GRM8: variants seen among roughly 807,000 people sequenced by gnomAD.
GRM8 encodes glutamate metabotropic receptor 8, also known as metabotropic glutamate receptor 8.
In GRM8, 47 loss-of-function variants were observed where a neutral mutation model predicts 87.2. That is an observed-to-expected ratio of 0.54 (90% CI 0.43 to 0.69). The LOEUF (loss-of-function observed/expected upper bound fraction) is 0.69, where lower values mean the gene tolerates loss of function less well. Among genes scored for constraint, GRM8 ranks in the 30% least tolerant of loss-of-function variants. GRM8 has a pLI of 0.00. For missense variants in GRM8, 1,019 were observed against 1,139.2 expected (o/e 0.89, Z 1.52); for synonymous variants, 396 against 404.5 (o/e 0.98, Z 0.25).
intron 9 of GRM8, among the ~76,000 whole-genome samples, chr7:126,449,896 T>C (rs1802426985): frequency 6.6e-6 from 1 of 151,868 alleles, no homozygotes; most frequent in African/African-American, 2.4e-5. Flanking sequence ...GGATGGGGAC[T>C]ATCTTTTCTA....
At chr7:126,762,156 T>C (rs964784276) in intron 7 of GRM8, among the ~76,000 whole-genome samples, 1 of 151,916 alleles carries the variant, frequency 6.6e-6, no homozygotes, top group Non-Finnish European at 1.5e-5. Flanking sequence ...ATCAATAAAA[T>C]ATATGTAAAA....
intron 7 of GRM8, among the ~76,000 whole-genome samples, chr7:126,682,158 G>A (rs991877836): frequency 1.3e-5 from 2 of 152,146 alleles, no homozygotes; most frequent in South Asian, 2.1e-4. Flanking sequence ...GCTTATACAC[G>A]TTTATTTTCC....
intron 8 of GRM8, among the ~76,000 whole-genome samples, chr7:126,594,915 T>A (rs1585159733): frequency 6.6e-6 from 1 of 152,142 alleles, no homozygotes; most frequent in Non-Finnish European, 1.5e-5. Flanking sequence ...GTTCTCTAAA[T>A]ACAATTCAAT....
At chr7:126,999,014 A>C (rs1286258567) in intron 3 of GRM8, among the ~76,000 whole-genome samples, 2 of 152,020 alleles carry the variant, frequency 1.3e-5, no homozygotes. Context: ...ATTATACTAC[A>C]GGGCAATAAC....
At chr7:127,052,546 G>C (rs1021086061) in intron 3 of GRM8, among the ~76,000 whole-genome samples, 1 of 152,184 alleles carries the variant, frequency 6.6e-6, no homozygotes, top group Non-Finnish European at 1.5e-5. Context: ...AGCAGTGTAG[G>C]ATTTAGAAAA....
intron 3 of GRM8, among the ~76,000 whole-genome samples, chr7:127,038,034 G>A (rs1373105115): frequency 1.3e-5 from 2 of 152,086 alleles, no homozygotes; most frequent in African/African-American, 2.4e-5. Flanking sequence ...TAATTCGTAT[G>A]GCAGTATACA....
chr7:126,687,805 T>C (rs1012926528), intron 7 of GRM8, among the ~76,000 whole-genome samples: 1 of 152,098 alleles, frequency 6.6e-6, no homozygotes, highest in Admixed American at 6.6e-5. Flanking sequence ...GATGTTGCTA[T>C]CTTATCTTTA....
intron 8 of GRM8, among the ~76,000 whole-genome samples, chr7:126,600,401 A>G (rs1797619881): frequency 6.6e-6 from 1 of 152,126 alleles, no homozygotes; most frequent in African/African-American, 2.4e-5. Context: ...ACTAGGGGAA[A>G]TGATCATGCA....
intron 3 of GRM8, among the ~76,000 whole-genome samples, chr7:127,015,049 GAAGAAGAAGAAGAAGAAGA>G (rs1283196532): frequency 1.4e-4 from 17 of 122,324 alleles, no homozygotes; most frequent in African/African-American, 5.0e-4. Flanking sequence ...AGAAGAAGAA[GAAGAAGAAGAAGAAGAAGA>G]AAGAAAGAAG....
At chr7:126,867,511 G>T (rs1175954532) in intron 6 of GRM8, among the ~76,000 whole-genome samples, 2 of 152,120 alleles carry the variant, frequency 1.3e-5, no homozygotes, top group African/African-American at 2.4e-5. Flanking sequence ...CAGCAAAGAA[G>T]AAAAAGCAGA....
intron 2 of GRM8, among the ~76,000 whole-genome samples, chr7:127,181,600 A>G (rs868342281): frequency 6.6e-6 from 1 of 152,130 alleles, no homozygotes; most frequent in East Asian, 1.9e-4. Context: ...AAACTATACT[A>G]TAAGGCCATA....
At chr7:126,574,861 T>C (rs891575870) in intron 8 of GRM8, among the ~76,000 whole-genome samples, 7 of 152,058 alleles carry the variant, frequency 4.6e-5, no homozygotes, top group African/African-American at 1.7e-4. Flanking sequence ...ACTGTTAAGG[T>C]GTGGACTCAG....
chr7:127,013,990 A>C (rs1343431076), intron 3 of GRM8, among the ~76,000 whole-genome samples: 1 of 152,204 alleles, frequency 6.6e-6, no homozygotes, highest in Non-Finnish European at 1.5e-5. Context: ...GAAAGGTCCA[A>C]ATGAGATTGT....
chr7:127,144,010 G>T (rs1025305825), intron 2 of GRM8, among the ~76,000 whole-genome samples: 1 of 151,958 alleles, frequency 6.6e-6, no homozygotes, highest in Non-Finnish European at 1.5e-5. Context: ...AGAATATTTC[G>T]CCTCAACTCC....
At chr7:126,794,379 T>A (rs566102896) in intron 6 of GRM8, among the ~76,000 whole-genome samples, 18 of 152,202 alleles carry the variant, frequency 1.2e-4, no homozygotes, top group Admixed American at 1.3e-4. Flanking sequence ...TACCAAAGAT[T>A]AGAGTCCTCA....
chr7:126,589,729 A>C (rs1265643342), intron 8 of GRM8, among the ~76,000 whole-genome samples: 4 of 151,954 alleles, frequency 2.6e-5, no homozygotes, highest in Admixed American at 6.6e-5. Flanking sequence ...AATGCATTTC[A>C]CTCCCCTGCC....
chr7:127,125,382 G>C (rs1827304114), intron 2 of GRM8, among the ~76,000 whole-genome samples: 1 of 151,962 alleles, frequency 6.6e-6, no homozygotes, highest in Admixed American at 6.6e-5. Context: ...AATGGTGCTA[G>C]AACTGAATAA....
intron 6 of GRM8, among the ~76,000 whole-genome samples, chr7:126,780,914 AT>A (rs1441496119): frequency 2.0e-5 from 3 of 152,154 alleles, no homozygotes; most frequent in Non-Finnish European, 4.4e-5. Context: ...TTGGGAGGTG[AT>A]TTTATAGTTC....
intron 6 of GRM8, among the ~76,000 whole-genome samples, chr7:126,830,461 C>T (rs1282232077): frequency 6.6e-6 from 1 of 152,094 alleles, no homozygotes; most frequent in African/African-American, 2.4e-5. Context: ...TTTCATCTTC[C>T]ATCACTAATA....
Sources: gnomAD v4.1 joint callset for allele counts (sites outside exome capture counted in the v4.1 genomes callset) on GRCh38, gnomAD v4.1.1 for gene constraint, MANE v1.5 for transcripts, NCBI Gene and HGNC (gene_info 2026-07-23, HGNC 2026-07-21) for gene names.